Variants in ZXDC observed in about 807,000 individuals in gnomAD.
ZXDC encodes the protein zinc finger protein ZXDC.
Under a neutral mutation model 63.6 loss-of-function variants are expected in ZXDC, and 58 were observed. The observed-to-expected ratio is 0.91, with a 90% CI of 0.74 to 1.13. The LOEUF (loss-of-function observed/expected upper bound fraction) is 1.13. ZXDC is among the 50% of genes most tolerant of loss of function. The pLI, the probability that ZXDC is intolerant of heterozygous loss-of-function variation, is 0.00. For synonymous variants in ZXDC, 561 were observed against 496.1 expected, an observed-to-expected ratio of 1.13 and a Z score of -1.74; for missense variants, 1,133 against 1,148.9, an observed-to-expected ratio of 0.99 and a Z score of 0.20.
chr3:126,445,625 GAA>G, intron 7 of ZXDC, among the ~76,000 whole-genome samples: 1 of 151,818 alleles, frequency 6.6e-6, no homozygotes, highest in South Asian at 2.1e-4. Flanking sequence ...GTGAGGGGGA[GAA>G]CCTGCCACAG....
At position 126,475,536 on chromosome 3, in the gene ZXDC, C is replaced by T. The variant is rs1466014303; in HGVS notation, c.330G>A (p.Gln110=). 7.6e-7 allele frequency: 1 copy of T among 1,314,232 alleles called. No individual in the cohort carries two copies. The highest frequency in any genetic ancestry group is 3.6e-5 in the Admixed American group (1 of 28,142). The allele number at this position is 1,314,232 out of a possible 1,614,324, so 81.4% of individuals were successfully genotyped here. ...SRVNLASRPE[Q]GPSGPAAPPG... ...GGGGGGCGGCCGGGCCGCTGGGGCCCTGCTCGGGGCGGCTCGCCAGGTTGA... is the reference window on the plus strand; with the variant it reads ...GGGGGGCGGCCGGGCCGCTGGGGCCTTGCTCGGGGCGGCTCGCCAGGTTGA... The change falls in exon 1 of 10, where the codon CAG becomes CAA. Residue 110 remains glutamine (Q), a synonymous_variant. Coordinates refer to ENST00000389709, the MANE Select transcript of ZXDC (RefSeq NM_025112.5).
chr3:126,462,653 C>T (rs760825855), intron 5 of ZXDC, among the ~76,000 whole-genome samples: 3 of 152,198 alleles, frequency 2.0e-5, no homozygotes, highest in African/African-American at 7.2e-5. Context: ...CTGAACCTTT[C>T]CACTCAGCTG....
intron 7 of ZXDC, chr3:126,452,141 C>T (rs758168042): frequency 7.1e-6 from 7 of 985,272 alleles, no homozygotes; most frequent in Non-Finnish European, 8.4e-6. Flanking sequence ...TGCGCTGGAT[C>T]CTGGGCTCCT....
intron 6 of ZXDC, 194 bp downstream of exon 6, chr3:126,461,341 G>T (rs1477664177): frequency 7.3e-7 from 1 of 1,373,934 alleles, no homozygotes; most frequent in Non-Finnish European, 9.4e-7. Flanking sequence ...AAATAAATGA[G>T]AATTTAAGGC....
intron 9 of ZXDC, among the ~76,000 whole-genome samples, chr3:126,438,900 T>C (rs1322570908): frequency 6.6e-6 from 1 of 152,200 alleles, no homozygotes; most frequent in Non-Finnish European, 1.5e-5. Flanking sequence ...TTCCTGCTGT[T>C]GCACCATTTG....
At chr3:126,448,567 C>A (rs939227983) in intron 7 of ZXDC, among the ~76,000 whole-genome samples, 6 of 152,220 alleles carry the variant, frequency 3.9e-5, no homozygotes, top group Admixed American at 3.3e-4. Flanking sequence ...GCATCCCGGG[C>A]AGGCACCAGG....
intron 4 of ZXDC, among the ~76,000 whole-genome samples, chr3:126,469,031 G>A (rs1420339019): frequency 6.6e-6 from 1 of 152,184 alleles, no homozygotes; most frequent in Admixed American, 6.5e-5. Context: ...GCTAAACTTA[G>A]TAACCAATCC....
Position 126,475,457 on chromosome 3 carries a change from G to A in ZXDC, c.409C>T (p.Leu137=), listed in dbSNP as rs1420590273. ...AGGACGCCGCGGTCGAGACGCACCA[G>A]CAGGTCCTGGCTGCTGATGGTGACG... is the stretch of plus-strand genomic sequence containing the variant. ...GAVTISSQDL[L]VRLDRGVLAL... Residue 137 remains leucine (L), a synonymous_variant, in exon 1 of 10, where the codon CTG becomes TTG. Transcript: ENST00000389709. The A allele has an allele frequency of 5.0e-6, 6 of 1,201,186 alleles. No individual in the cohort carries two copies. Among genetic ancestry groups the A allele is most frequent in the South Asian group, 3.8e-5 (1 of 26,086 alleles). 74.4% of individuals were successfully genotyped at this position (1,201,186 alleles called of 1,614,324 possible).
intron 7 of ZXDC, chr3:126,459,335 A>G: frequency 2.0e-6 from 2 of 985,440 alleles, no homozygotes; most frequent in Non-Finnish European, 2.4e-6. Flanking sequence ...CACCAGGCAC[A>G]ATCTCTGCTT....
chr3:126,447,783 T>C (rs1181491886), intron 7 of ZXDC, among the ~76,000 whole-genome samples: 1 of 152,258 alleles, frequency 6.6e-6, no homozygotes, highest in Non-Finnish European at 1.5e-5. Context: ...TGCACGTCTC[T>C]TGCGGCATTT....
chr3:126,467,696 G>A (rs1429396413), intron 4 of ZXDC, among the ~76,000 whole-genome samples: 3 of 152,194 alleles, frequency 2.0e-5, no homozygotes, highest in Non-Finnish European at 2.9e-5. Context: ...GAGACAGTCC[G>A]ACGGCCCAGG....
chr3:126,473,442 A>G (rs1371778081), intron 1 of ZXDC, among the ~76,000 whole-genome samples: 1 of 152,082 alleles, frequency 6.6e-6, no homozygotes, highest in Non-Finnish European at 1.5e-5. Context: ...ATCTAATCTC[A>G]TCTCAACACA....
chr3:126,445,679 G>A (rs918239330), intron 7 of ZXDC, among the ~76,000 whole-genome samples: 3 of 151,932 alleles, frequency 2.0e-5, no homozygotes, highest in African/African-American at 7.3e-5. Flanking sequence ...GTTCCAGCAA[G>A]GACTGCACCT....
At chr3:126,456,367 G>C (rs543478049) in intron 7 of ZXDC, among the ~76,000 whole-genome samples, 61 of 152,310 alleles carry the variant, frequency 4.0e-4, no homozygotes, top group African/African-American at 1.4e-3. Flanking sequence ...TGGAGGCCTC[G>C]GGCACACAGC....
chr3:126,464,719 G>C (rs1934688100), intron 5 of ZXDC, among the ~76,000 whole-genome samples: 1 of 152,072 alleles, frequency 6.6e-6, no homozygotes, highest in South Asian at 2.1e-4. Context: ...ACAGGGGAGA[G>C]GCCTAAGTGA....
intron 1 of ZXDC, 133 bp from the exon 2 acceptor site, chr3:126,472,438 A>G: frequency 1.8e-6 from 2 of 1,140,522 alleles, no homozygotes; most frequent in Non-Finnish European, 2.4e-6. Flanking sequence ...AGCACTCTCT[A>G]AAAAGGGAAG....
intron 7 of ZXDC, among the ~76,000 whole-genome samples, chr3:126,456,233 AGAG>A (rs1934303928): frequency 1.3e-5 from 2 of 152,244 alleles, no homozygotes; most frequent in African/African-American, 4.8e-5. Flanking sequence ...ACCCTGCCAG[AGAG>A]GCCTCGCCTC....
At position 126,439,674 on chromosome 3, in the gene ZXDC, G is replaced by A. The variant is rs749489595; in HGVS notation, c.2448C>T (p.Phe816=). The change falls in exon 9 of 10, where the codon TTC becomes TTT. Residue 816 remains phenylalanine, a synonymous_variant. Coordinates refer to ENST00000389709, the MANE Select transcript of ZXDC (RefSeq NM_025112.5). ...VLPSARGPAT[F]LPFLTVDLPV... ...GCAGGTCCACAGTGAGGAAGGGGAGGAAGGTGGCTGGGCCGCGGGCCGAGG... is the reference window on the plus strand; with the variant it reads ...GCAGGTCCACAGTGAGGAAGGGGAGAAAGGTGGCTGGGCCGCGGGCCGAGG... The A allele has an allele frequency of 1.9e-6, 3 of 1,553,750 alleles. No homozygotes were observed. The Admixed American group carries it at 5.9e-5, about 30-fold the overall frequency.
chr3:126,473,301 C>A (rs2107661140), intron 1 of ZXDC, among the ~76,000 whole-genome samples: 1 of 152,322 alleles, frequency 6.6e-6, no homozygotes, highest in Admixed American at 6.5e-5. Context: ...TCTCCCTCTG[C>A]AATCTCACCT....
Sources: gnomAD v4.1 joint callset for allele counts (sites outside exome capture counted in the v4.1 genomes callset) on GRCh38, gnomAD v4.1.1 for gene constraint, MANE v1.5 for transcripts, NCBI Gene and HGNC (gene_info 2026-07-23, HGNC 2026-07-21) for gene names.